Variants in MPHOSPH6 observed in about 807,000 individuals in gnomAD.
MPHOSPH6 encodes M-phase phosphoprotein 6.
MPHOSPH6 carries 25 observed loss-of-function variants against 21.8 expected under a neutral mutation model. That is an observed-to-expected ratio of 1.15 (90% CI 0.83 to 1.60). MPHOSPH6 has a LOEUF of 1.60. Ranked by LOEUF, MPHOSPH6 falls within the 40% of genes most tolerant of loss-of-function variation. The probability of loss-of-function intolerance (pLI) is 0.00; values close to 1 mark genes in which losing one functional copy is unlikely to be tolerated. For synonymous variants in MPHOSPH6, 84 were observed against 56.5 expected (o/e 1.49, Z -2.18); for missense variants, 269 against 181.8 (o/e 1.48, Z -2.76).
chr16:82,170,104 G>T (rs750524814), intron 1 of MPHOSPH6, 21 bp downstream of exon 1: 19 of 1,586,680 alleles, frequency 1.2e-5, no homozygotes, highest in Non-Finnish European at 1.6e-5. Flanking sequence ...GCCCGGAGTG[G>T]CGCTCTCAGC....
chr16:82,154,502 A>C (rs1267372634), intron 2 of MPHOSPH6, among the ~76,000 whole-genome samples: 3 of 152,204 alleles, frequency 2.0e-5, no homozygotes, highest in Non-Finnish European at 4.4e-5. Context: ...ACTGAAAATG[A>C]AATTAGTAGA....
At position 82,149,372 on chromosome 16, in the gene MPHOSPH6, T is replaced by C. The variant is rs747396114; in HGVS notation, c.287A>G (p.Lys96Arg). 1.2e-6 allele frequency: 2 copies of C among 1,612,868 alleles called. No homozygotes were observed. Among genetic ancestry groups the C allele is most frequent in the South Asian group, 2.2e-5 (2 of 91,090 alleles). ...TGTTTCATCTTCAACTTCTTCTGCT[T>C]TGTGCTTAGCATTCATCTGAAGCAT... Reference protein sequence around the residue: ...KLMLQMNAKHKAEEVEDETVE... With the variant: ...KLMLQMNAKHRAEEVEDETVE... The change falls in exon 4 of 5, where the codon AAA (lysine) becomes AGA (arginine). Residue 96 changes from lysine to arginine, a missense_variant. Coordinates refer to ENST00000258169, the MANE Select transcript of MPHOSPH6 (RefSeq NM_005792.2).
In MPHOSPH6 at chr16:82,148,925, T is replaced by A. The variant is rs1906174487; in HGVS notation, c.351-62A>T. 2.6e-6 allele frequency: 4 copies of A among 1,568,268 alleles called. No individual in the cohort carries two copies. In the South Asian group the frequency reaches 4.7e-5, roughly 18 times the overall value. ...ATAAAAAGGTAGGGATCAAGCCTTG[T>A]CAAGAATATCAGACCAAATATGCAA... is the stretch of plus-strand genomic sequence containing the variant. On this transcript the variant is annotated intron_variant, in intron 4 of 4. Transcript: ENST00000258169.
chr16:82,149,164 C>T, intron 4 of MPHOSPH6, 145 bp downstream of exon 4: 1 of 883,176 alleles, frequency 1.1e-6, no homozygotes, highest in Non-Finnish European at 1.8e-6. Context: ...CCCCCGTAGG[C>T]CATTAAGAGA....
intron 2 of MPHOSPH6, 193 bp downstream of exon 2, chr16:82,163,889 G>T: frequency 2.0e-6 from 1 of 498,930 alleles, no homozygotes; most frequent in South Asian, 3.1e-5. Context: ...TGGCTGGGAG[G>T]GGGAGTAGTA....
At position 82,170,120 on chromosome 16, in the gene MPHOSPH6, C is replaced by A. The variant is rs1189460518; in HGVS notation, c.51+5G>T. On this transcript the variant is annotated splice_donor_5th_base_variant and intron_variant, in intron 1 of 4. Coordinates refer to ENST00000258169, the MANE Select transcript of MPHOSPH6 (RefSeq NM_005792.2). ...CCCGGAGTGGCGCTCTCAGCGTCCCCGCACCTTCATGCGCAGTAGATTCTT... is the reference window on the plus strand; with the variant it reads ...CCCGGAGTGGCGCTCTCAGCGTCCCAGCACCTTCATGCGCAGTAGATTCTT... 1.3e-6 allele frequency: 2 copies of A among 1,589,978 alleles called. No individual in the cohort carries two copies. The highest frequency in any genetic ancestry group is 8.6e-7 in the Non-Finnish European group (1 of 1,168,484).
chr16:82,158,198 A>G (rs1026906530), intron 2 of MPHOSPH6, among the ~76,000 whole-genome samples: 3 of 152,018 alleles, frequency 2.0e-5, no homozygotes, highest in South Asian at 4.1e-4. Flanking sequence ...TATATATAAG[A>G]TACTTCTTAG....
At chr16:82,165,894 G>A (rs984987766) in intron 1 of MPHOSPH6, among the ~76,000 whole-genome samples, 3 of 152,210 alleles carry the variant, frequency 2.0e-5, no homozygotes, top group African/African-American at 7.2e-5. Context: ...AGTAACACAT[G>A]ATGGTGATAA....
In MPHOSPH6 at chr16:82,170,223, A is replaced by T. The variant is rs779898579; in HGVS notation, c.-48T>A. 4.5e-6 allele frequency: 7 copies of T among 1,551,900 alleles called. No individual in the cohort carries two copies. Among genetic ancestry groups the T allele is most frequent in the Non-Finnish European group, 6.1e-6 (7 of 1,151,068 alleles). ...ACTCCGGCCGCGAGCCTCACCGCACATGCGCGGAGCCGCGTGCGCAGCTGC... is the reference window on the plus strand; with the variant it reads ...ACTCCGGCCGCGAGCCTCACCGCACTTGCGCGGAGCCGCGTGCGCAGCTGC... On this transcript the variant is annotated 5_prime_UTR_variant, in exon 1 of 5. The change abolishes an upstream ATG in the 5' untranslated region. Coordinates refer to ENST00000258169, the MANE Select transcript of MPHOSPH6 (RefSeq NM_005792.2).
chr16:82,166,591 C>G (rs909025420), intron 1 of MPHOSPH6, among the ~76,000 whole-genome samples: 5 of 152,166 alleles, frequency 3.3e-5, no homozygotes, highest in African/African-American at 4.8e-5. Flanking sequence ...GACCATGACT[C>G]TTGTTCATCT....
chr16:82,148,721 G>C lies in MPHOSPH6; in HGVS notation c.*10C>G. The C allele has an allele frequency of 1.2e-6, 2 of 1,613,854 alleles. No homozygotes were observed. The highest frequency in any genetic ancestry group is 1.7e-6 in the Non-Finnish European group (2 of 1,179,950). On this transcript the variant is annotated 3_prime_UTR_variant, in exon 5 of 5. Coordinates refer to ENST00000258169, the MANE Select transcript of MPHOSPH6 (RefSeq NM_005792.2). Reference sequence around the variant, plus strand: ...CAAGCACCCCTGGGCCATCGCTTAAGGCATCCATCTTAATCCTGGGGCTTT... The same window carrying C: ...CAAGCACCCCTGGGCCATCGCTTAACGCATCCATCTTAATCCTGGGGCTTT...
In MPHOSPH6 at chr16:82,157,888, G is replaced by C. The variant is rs140971686; in HGVS notation, c.164+6194C>G. On this transcript the variant is annotated intron_variant, in intron 2 of 4. Coordinates refer to ENST00000258169, the MANE Select transcript of MPHOSPH6 (RefSeq NM_005792.2). ...CTGCAGTTGGAATGGAGACAATGCAGAGTAGTAGCAGGAGGTCAGAGTTAC... is the reference window on the plus strand; with the variant it reads ...CTGCAGTTGGAATGGAGACAATGCACAGTAGTAGCAGGAGGTCAGAGTTAC... Among the ~76,000 whole-genome samples the C allele has an allele frequency of 2.0e-4, 30 of 152,328 alleles. No homozygotes were observed. The East Asian group carries it at 2.7e-3, about 14-fold the overall frequency.
chr16:82,158,204 C>T (rs918411792), intron 2 of MPHOSPH6, among the ~76,000 whole-genome samples: 1 of 151,832 alleles, frequency 6.6e-6, no homozygotes, highest in Non-Finnish European at 1.5e-5. Context: ...TAAGATACTT[C>T]TTAGCCGGGC....
rs1453529014 is a variant in MPHOSPH6 at position 82,164,143 on chromosome 16, C to T, written c.103G>A (p.Glu35Lys). Residue 35 changes from glutamate (E) to lysine (K), a missense_variant, in exon 2 of 5, where the codon GAA becomes AAA. Coordinates refer to ENST00000258169, the MANE Select transcript of MPHOSPH6 (RefSeq NM_005792.2). ...TGCTCTTCACTAATGATTTTCTTTT[C>T]TTCTTCTTCTAGTTGTTTCTTGGTT... ...SETKKQLEEEEKKIISEEHWY... is the reference protein window; with the variant it reads ...SETKKQLEEEKKKIISEEHWY... The T allele has an allele frequency of 2.5e-6, 4 of 1,611,946 alleles. No individual in the cohort carries two copies. Among genetic ancestry groups the T allele is most frequent in the Non-Finnish European group, 2.5e-6 (3 of 1,179,680 alleles).
At chr16:82,166,140 T>G (rs1191234501) in intron 1 of MPHOSPH6, among the ~76,000 whole-genome samples, 1 of 152,230 alleles carries the variant, frequency 6.6e-6, no homozygotes. Context: ...TGTAAAATGT[T>G]GCCGCTAGGG....
At chr16:82,153,693 G>C (rs1906340398) in intron 2 of MPHOSPH6, among the ~76,000 whole-genome samples, 1 of 152,204 alleles carries the variant, frequency 6.6e-6, no homozygotes, top group Non-Finnish European at 1.5e-5. Context: ...CACATGTGCA[G>C]GATGAGTCTT....
chr16:82,161,754 G>C (rs1906614227), intron 2 of MPHOSPH6, among the ~76,000 whole-genome samples: 1 of 152,190 alleles, frequency 6.6e-6, no homozygotes, highest in Non-Finnish European at 1.5e-5. Flanking sequence ...TCTGGAGTCA[G>C]GAATGCCCTT....
chr16:82,151,335 T>C lies in MPHOSPH6; in HGVS notation c.255+89A>G, dbSNP rs16956557. 6.8e-4 allele frequency: 1,048 copies of C among 1,532,182 alleles called. 9 individuals are homozygous for C. The African/African-American group carries it at 0.012, about 18-fold the overall frequency. The allele number at this position is 1,532,182 out of a possible 1,614,324, so 94.9% of individuals were successfully genotyped here. A position where few individuals can be genotyped will look rare whatever the true frequency, so the allele number is the denominator to read the frequency against. ...TTTTCTATATAATGAGTAGAAATGG[T>C]ACCTGGTGGAGAAACACCTAAGCCC... is the stretch of plus-strand genomic sequence containing the variant. On this transcript the variant is annotated intron_variant, in intron 3 of 4. Coordinates refer to ENST00000258169, the MANE Select transcript of MPHOSPH6 (RefSeq NM_005792.2).
chr16:82,160,788 T>C (rs925654950), intron 2 of MPHOSPH6, among the ~76,000 whole-genome samples: 1 of 152,176 alleles, frequency 6.6e-6, no homozygotes, highest in Non-Finnish European at 1.5e-5. Flanking sequence ...TTGTTTCTGA[T>C]GGTGTTCAGG....
Sources: gnomAD v4.1 joint callset for allele counts (sites outside exome capture counted in the v4.1 genomes callset) on GRCh38, gnomAD v4.1.1 for gene constraint, MANE v1.5 for transcripts, NCBI Gene and HGNC (gene_info 2026-07-23, HGNC 2026-07-21) for gene names.